The following SYCP2 variants were observed in gnomAD, a reference collection of about 807,000 sequenced individuals.
SYCP2 encodes the protein synaptonemal complex lateral element protein.
Under a neutral mutation model 211.3 loss-of-function variants are expected in SYCP2, and 55 were observed. That is an observed-to-expected ratio of 0.26 (90% CI 0.21 to 0.33). The LOEUF is 0.33. Among genes scored for constraint, SYCP2 ranks in the 10% least tolerant of loss-of-function variants. The pLI is 1.00. For synonymous variants in SYCP2, 570 were observed against 555.2 expected (o/e 1.03, Z -0.37); for missense variants, 1,731 against 1,752.0 (o/e 0.99, Z 0.21).
chr20:59,878,992 A>G (rs1324512842), intron 31 of SYCP2, among the ~76,000 whole-genome samples: 1 of 152,134 alleles, frequency 6.6e-6, no homozygotes, highest in African/African-American at 2.4e-5. Flanking sequence ...GAATTCATAC[A>G]GAATTTCAAT....
chr20:59,903,905 T>A (rs774684253), intron 15 of SYCP2, among the ~76,000 whole-genome samples: 1 of 152,118 alleles, frequency 6.6e-6, no homozygotes, highest in Non-Finnish European at 1.5e-5. Flanking sequence ...CAGGCTAATA[T>A]CCTGTTTTAA....
chr20:59,867,654 A>C, intron 39 of SYCP2, 57 bp downstream of exon 39: 3 of 1,469,322 alleles, frequency 2.0e-6, no homozygotes, highest in Non-Finnish European at 2.8e-6. Context: ...GTCTAGTAGA[A>C]AGTGTGGCAT....
chr20:59,869,992 G>T lies in SYCP2; in HGVS notation c.3556-9C>A. 1 of 1,543,436 alleles carries T rather than the reference G, an allele frequency of 6.5e-7. No individual in the cohort carries two copies. Among genetic ancestry groups the T allele is most frequent in the South Asian group, 1.3e-5 (1 of 79,984 alleles). On this transcript the variant is annotated splice_polypyrimidine_tract_variant and intron_variant, in intron 35 of 44. Coordinates refer to ENST00000357552, the MANE Select transcript of SYCP2 (RefSeq NM_014258.4). ...GTTGGAGTATGTCTGGGCTATGAAT[G>T]AAGACATACAAAAACCCAATAAGAA...
Position 59,911,789 on chromosome 20 carries a change from C to T in SYCP2, c.933G>A (p.Gly311=). The change falls in exon 14 of 45, where the codon GGG becomes GGA. Residue 311 remains glycine (G), a synonymous_variant. Transcript: ENST00000357552. The stretch of plus-strand genomic sequence containing the variant: ...CAATGTAGAATGAGAGAGTCTGACT[C>T]CCAAGATTAAAATCAATCCAAAATT... ...LEEFWIDFNL[G]SQTLSFYIAG... is the part of the protein sequence containing the mutation. The T allele has an allele frequency of 6.3e-7, 1 of 1,592,606 alleles. No individual in the cohort carries two copies. Among genetic ancestry groups the T allele is most frequent in the African/African-American group, 1.3e-5 (1 of 74,428 alleles).
chr20:59,886,956 G>C lies in SYCP2; in HGVS notation c.2365-122C>G. 5 of 703,278 alleles carry C rather than the reference G, an allele frequency of 7.1e-6. No individual in the cohort carries two copies. In the East Asian group the frequency reaches 1.2e-4, roughly 17 times the overall value. The allele number at this position is 703,278 out of a possible 1,614,324, so 43.6% of individuals were successfully genotyped here. ...TTATACCTGCGGAGAGAAATAAAGA[G>C]AGTCAACTGTTTAGTAAGTTTGAGC... On this transcript the variant is annotated intron_variant, in intron 24 of 44. Transcript: ENST00000357552.
Position 59,919,382 on chromosome 20 carries a change from G to A in SYCP2, c.402+111C>T, listed in dbSNP as rs368780346. On this transcript the variant is annotated intron_variant, in intron 6 of 44. Coordinates refer to ENST00000357552, the MANE Select transcript of SYCP2 (RefSeq NM_014258.4). ...AATCTGAACAGACCAATCCAACCAAGTCACCAACCAATCTGTTAGTGACTT... is the reference window on the plus strand; with the variant it reads ...AATCTGAACAGACCAATCCAACCAAATCACCAACCAATCTGTTAGTGACTT... 1.3e-3 allele frequency: 1,108 copies of A among 826,444 alleles called. 15 individuals carry two copies. In the South Asian group the frequency reaches 0.017, roughly 12 times the overall value. The allele number at this position is 826,444 out of a possible 1,614,324, so 51.2% of individuals were successfully genotyped here.
At chr20:59,898,847 T>C (rs566651171) in intron 18 of SYCP2, among the ~76,000 whole-genome samples, 1 of 152,108 alleles carries the variant, frequency 6.6e-6, no homozygotes, top group African/African-American at 2.4e-5. Flanking sequence ...TTAATGAAGA[T>C]CTAGAGGCAT....
intron 2 of SYCP2, among the ~76,000 whole-genome samples, chr20:59,928,039 A>T (rs189399554): frequency 6.6e-4 from 101 of 152,260 alleles, no homozygotes; most frequent in Non-Finnish European, 1.2e-3. Flanking sequence ...AGTTTGCTCA[A>T]TTCTGGAGCT....
chr20:59,926,613 C>T (rs1233767380), intron 2 of SYCP2, among the ~76,000 whole-genome samples: 1 of 152,102 alleles, frequency 6.6e-6, no homozygotes, highest in Non-Finnish European at 1.5e-5. Flanking sequence ...GAAAAGGTCA[C>T]ATTCTGAGAT....
chr20:59,868,234 A>G (rs1349351601), intron 38 of SYCP2, among the ~76,000 whole-genome samples, 179 bp downstream of exon 38: 1 of 151,836 alleles, frequency 6.6e-6, no homozygotes, highest in Non-Finnish European at 1.5e-5. Flanking sequence ...ATCTATGGGC[A>G]TCTAAGACCC....
chr20:59,917,188 G>A (rs572927226), intron 7 of SYCP2, among the ~76,000 whole-genome samples: 1 of 151,924 alleles, frequency 6.6e-6, no homozygotes, highest in East Asian at 1.9e-4. Flanking sequence ...CAATTCTAAG[G>A]CTTTTACCAA....
At chr20:59,875,549 T>C in intron 33 of SYCP2, 80 bp from the exon 34 acceptor site, 1 of 1,079,488 alleles carries the variant, frequency 9.3e-7, no homozygotes, top group Non-Finnish European at 1.3e-6. Flanking sequence ...TATATTCAAA[T>C]ATTTATTAAA....
intron 41 of SYCP2, 107 bp from the exon 42 acceptor site, chr20:59,865,972 CTCTATT>C (rs1376608041): frequency 4.2e-6 from 2 of 481,656 alleles, no homozygotes; most frequent in African/African-American, 2.0e-5. Context: ...AGTAGAATTA[CTCTATT>C]TCTATTATTA....
rs754006595 is a variant in SYCP2 at position 59,875,414 on chromosome 20, T to C, written c.3206A>G (p.Lys1069Arg). 2.5e-6 allele frequency: 4 copies of C among 1,612,992 alleles called. No homozygotes were observed. Among genetic ancestry groups the C allele is most frequent in the South Asian group, 1.1e-5 (1 of 91,030 alleles). ...CTTTTCTGTTTCAGCACAGAAGACT[T>C]TCTGTTGTTTCTTTGGTAGCTTTAC... ...KTVKLPKKQQKVFCAETEKEL... is the reference protein window; with the variant it reads ...KTVKLPKKQQRVFCAETEKEL... Residue 1069 changes from lysine (K) to arginine (R), a missense_variant, in exon 34 of 45, where the codon AAA (lysine) becomes AGA (arginine). Physicochemically the swap from Lys to Arg is conservative, Grantham distance 26. Around this residue, in one of 3 missense-constraint regions of SYCP2, gnomAD observed 1,387 missense variants for 1,351.3 expected, o/e 1.03. Coordinates refer to ENST00000357552, the MANE Select transcript of SYCP2 (RefSeq NM_014258.4).
rs2060795059 is a variant in SYCP2 at position 59,932,966 on chromosome 20, G to A, written c.-140+603C>T. Among the ~76,000 whole-genome samples, 4 of 152,092 alleles carry A rather than the reference G, an allele frequency of 2.6e-5. 1 individual carries two copies. In the South Asian group the frequency reaches 8.3e-4, roughly 32 times the overall value. On this transcript the variant is annotated intron_variant, in intron 1 of 44. Transcript: ENST00000357552. ...CGGCAGTGGCAACAACGAGGCCGAA[G>A]GCGAAGTCCCTGCTCCCACCGCCGG...
At chr20:59,919,963 G>A (rs916979414) in intron 5 of SYCP2, among the ~76,000 whole-genome samples, 2 of 151,530 alleles carry the variant, frequency 1.3e-5, no homozygotes, top group African/African-American at 4.8e-5. Flanking sequence ...CCTTAATTTA[G>A]ATATTTGAGT....
chr20:59,866,241 T>G, intron 41 of SYCP2, 52 bp downstream of exon 41: 2 of 1,203,652 alleles, frequency 1.7e-6, no homozygotes, highest in Admixed American at 2.3e-5. Context: ...CAAGTATAGC[T>G]CTTTAAAAAT....
At chr20:59,881,547 T>A in intron 28 of SYCP2, 55 bp from the exon 29 acceptor site, 1 of 850,804 alleles carries the variant, frequency 1.2e-6, no homozygotes, top group African/African-American at 1.8e-5. Flanking sequence ...TAAAAAAGAT[T>A]AAAAGGAATA....
At chr20:59,870,807 A>T (rs747733519) in intron 35 of SYCP2, among the ~76,000 whole-genome samples, 3 of 151,804 alleles carry the variant, frequency 2.0e-5, no homozygotes, top group Non-Finnish European at 4.4e-5. Context: ...ATGGTGCCTA[A>T]TCCAGGCCCA....
Sources: gnomAD v4.1 joint callset for allele counts (sites outside exome capture counted in the v4.1 genomes callset) on GRCh38, gnomAD v4.1.1 for gene constraint, gnomAD v4.1.1 regional missense constraint, MANE v1.5 for transcripts, NCBI Gene and HGNC (gene_info 2026-07-23, HGNC 2026-07-21) for gene names.